Variants in ARIH1 observed in about 807,000 individuals in gnomAD.
ARIH1 encodes the protein E3 ubiquitin-protein ligase ARIH1.
ARIH1 carries 8 observed loss-of-function variants against 85.0 expected under a neutral mutation model. That is an observed-to-expected ratio of 0.09 (90% confidence interval 0.06 to 0.17). The LOEUF (loss-of-function observed/expected upper bound fraction) is 0.17, where lower values mean the gene tolerates loss of function less well. Ranked by LOEUF, ARIH1 falls within the 10% of genes least tolerant of loss-of-function variation. ARIH1 has a pLI of 1.00. For missense variants in ARIH1, 311 were observed against 718.1 expected (o/e 0.43, Z 6.48); for synonymous variants, 238 against 253.6 (o/e 0.94, Z 0.59).
chr15:72,521,823 A>G lies in ARIH1; in HGVS notation c.443+3689A>G, dbSNP rs114246393. ...CTCTACCTCCCAAAGTGCTGGGGTT[A>G]CAGGCATGAGTCATTGCATCCAGCA... On this transcript the variant is annotated intron_variant, in intron 2 of 13. Transcript: ENST00000379887. Among the ~76,000 whole-genome samples the G allele has an allele frequency of 5.9e-3, 905 of 152,332 alleles. 10 individuals carry two copies. The highest frequency in any genetic ancestry group is 0.021 in the African/African-American group (874 of 41,588).
intron 7 of ARIH1, among the ~76,000 whole-genome samples, chr15:72,565,262 T>G (rs1252785022): frequency 6.6e-6 from 1 of 152,030 alleles, no homozygotes; most frequent in Non-Finnish European, 1.5e-5. Context: ...ATTTATGTAT[T>G]TATTTTTAAT....
Position 72,519,163 on chromosome 15 carries a change from A to T in ARIH1, c.443+1029A>T, listed in dbSNP as rs1308019466. 2.0e-5 allele frequency among the ~76,000 whole-genome samples: 3 copies of T among 152,138 alleles called. No homozygotes were observed. In the East Asian group the frequency reaches 5.8e-4, roughly 29 times the overall value. On this transcript the variant is annotated intron_variant, in intron 2 of 13. Coordinates refer to ENST00000379887, the MANE Select transcript of ARIH1 (RefSeq NM_005744.5). Reference sequence around the variant, plus strand: ...CAATTCTAAATTTAATAAAAAATTAAACCTAGTTGTTGGGAACTGACAACC... The same window carrying T: ...CAATTCTAAATTTAATAAAAAATTATACCTAGTTGTTGGGAACTGACAACC...
intron 2 of ARIH1, among the ~76,000 whole-genome samples, chr15:72,520,503 A>G (rs933596261): frequency 6.6e-6 from 1 of 152,122 alleles, no homozygotes; most frequent in Admixed American, 6.5e-5. Context: ...TTTTAATATC[A>G]GAGATTAACA....
chr15:72,511,773 G>T (rs1188844601), intron 1 of ARIH1, among the ~76,000 whole-genome samples: 1 of 151,824 alleles, frequency 6.6e-6, no homozygotes, highest in Admixed American at 6.6e-5. Flanking sequence ...TATTGTATTT[G>T]TAAGACTCCG....
intron 1 of ARIH1, among the ~76,000 whole-genome samples, chr15:72,513,987 C>A (rs954344579): frequency 6.7e-6 from 1 of 150,096 alleles, no homozygotes. Context: ...GGGACTAATA[C>A]GCCACCACGC....
At chr15:72,570,947 T>C (rs1189550646) in intron 10 of ARIH1, among the ~76,000 whole-genome samples, 1 of 151,818 alleles carries the variant, frequency 6.6e-6, no homozygotes, top group African/African-American at 2.4e-5. Flanking sequence ...CTGACCAACA[T>C]GGAGAAACCC....
At chr15:72,517,047 C>T (rs2577574) in intron 1 of ARIH1, among the ~76,000 whole-genome samples, 140,007 of 152,212 alleles carry the variant, frequency 0.92, 65,528 homozygotes, top group East Asian at 1. Flanking sequence ...TCACTAGTTT[C>T]ATGGGAAATG....
At chr15:72,540,258 C>CAAAAAAAAAAAAAAAAAAAAAAAAAAAA (rs10615863) in intron 2 of ARIH1, among the ~76,000 whole-genome samples, 1 of 81,362 alleles carries the variant, frequency 1.2e-5, no homozygotes, top group African/African-American at 4.6e-5. Flanking sequence ...GACTTTGTCT[C>CAAAAAAAAAAAAAAAAAAAAAAAAAAAA]AAAAAAAAAA....
chr15:72,509,129 T>C (rs2063939363), intron 1 of ARIH1, among the ~76,000 whole-genome samples: 1 of 151,998 alleles, frequency 6.6e-6, no homozygotes, highest in Non-Finnish European at 1.5e-5. Flanking sequence ...TAGCTGGGAC[T>C]ACAGGCGTGC....
At chr15:72,542,182 T>A (rs760245536) in intron 2 of ARIH1, among the ~76,000 whole-genome samples, 3 of 152,200 alleles carry the variant, frequency 2.0e-5, no homozygotes, top group Non-Finnish European at 4.4e-5. Context: ...TTAATGAATT[T>A]CCATTAAAAA....
At chr15:72,508,819 G>A (rs113298749) in intron 1 of ARIH1, among the ~76,000 whole-genome samples, 1 of 150,432 alleles carries the variant, frequency 6.6e-6, no homozygotes, top group African/African-American at 2.5e-5. Context: ...TCAGACTCCC[G>A]AGTAGCTGGG....
intron 3 of ARIH1, among the ~76,000 whole-genome samples, chr15:72,545,958 C>A (rs1456588559): frequency 6.6e-6 from 1 of 152,170 alleles, no homozygotes; most frequent in East Asian, 1.9e-4. Flanking sequence ...CTGTCTTGTT[C>A]ATATTCTCTG....
rs1336208423 is a variant in ARIH1, at chr15:72,590,925, T to C, written c.*7633T>C. ...AGAATGAGAATTTGGAGGGTGCTCA[T>C]AGAAATATAAAACAAGGCTGGGCAT... On this transcript the variant is annotated 3_prime_UTR_variant, in exon 14 of 14. Transcript: ENST00000379887. The C allele has an allele frequency of 3.3e-5, 5 of 152,060 alleles. No homozygotes were observed. The highest frequency in any genetic ancestry group is 7.4e-5 in the Non-Finnish European group (5 of 68,026). The allele number at this position is 152,060 out of a possible 1,614,324, so 9.4% of individuals were successfully genotyped here. A position where few individuals can be genotyped will look rare whatever the true frequency, so the allele number is the denominator to read the frequency against.
At chr15:72,484,143 A>C (rs2140392341) in intron 1 of ARIH1, among the ~76,000 whole-genome samples, 1 of 147,900 alleles carries the variant, frequency 6.8e-6, no homozygotes, top group East Asian at 2.0e-4. Context: ...ATTGCACTCC[A>C]GCCTGGGCAA....
rs2064340122 is a variant in ARIH1, at chr15:72,590,907, G to C, written c.*7615G>C. ...AGTATTCAAGTTTCTTTCAGAATGA[G>C]AATTTGGAGGGTGCTCATAGAAATA... On this transcript the variant is annotated 3_prime_UTR_variant, in exon 14 of 14. Coordinates refer to ENST00000379887, the MANE Select transcript of ARIH1 (RefSeq NM_005744.5). The C allele has an allele frequency of 6.6e-6, 1 of 152,170 alleles. No homozygotes were observed. Among genetic ancestry groups the C allele is most frequent in the African/African-American group, 2.4e-5 (1 of 41,430 alleles). 9.4% of individuals were successfully genotyped at this position (152,170 alleles called of 1,614,324 possible).
chr15:72,486,939 C>T (rs910166566), intron 1 of ARIH1, among the ~76,000 whole-genome samples: 1 of 151,890 alleles, frequency 6.6e-6, no homozygotes, highest in Non-Finnish European at 1.5e-5. Context: ...AGGTGATCCG[C>T]CCTCCTCAGC....
intron 2 of ARIH1, among the ~76,000 whole-genome samples, chr15:72,539,738 TAAAG>T (rs2064098287): frequency 1.3e-5 from 2 of 152,062 alleles, no homozygotes; most frequent in South Asian, 2.1e-4. Flanking sequence ...AGTTCAAGAA[TAAAG>T]AAAGAAGAAA....
chr15:72,543,912 GAACATGTCTCA>G (rs1254590050), intron 2 of ARIH1, among the ~76,000 whole-genome samples: 1 of 151,812 alleles, frequency 6.6e-6, no homozygotes, highest in Non-Finnish European at 1.5e-5. Context: ...GGAGGCCAGG[GAACATGTCTCA>G]TCTGAATTAA....
chr15:72,475,373 A>T (rs1450828885), intron 1 of ARIH1, among the ~76,000 whole-genome samples: 2 of 152,204 alleles, frequency 1.3e-5, no homozygotes, highest in African/African-American at 4.8e-5. Flanking sequence ...GGTGGAGAAG[A>T]GGAGTCAGGA....
Sources: allele counts gnomAD v4.1 joint callset (sites outside exome capture counted in the v4.1 genomes callset), GRCh38; gene constraint gnomAD v4.1.1; transcripts MANE v1.5; gene names NCBI Gene and HGNC (gene_info 2026-07-23, HGNC 2026-07-21).